The following PLPP1 variants were observed in gnomAD, a reference collection of about 807,000 sequenced individuals.
PLPP1 encodes the protein phospholipid phosphatase 1, also known as lipid phosphate phosphohydrolase 1a.
In PLPP1, 24 loss-of-function variants were observed where a neutral mutation model predicts 31.2. That is an observed-to-expected ratio of 0.77 (90% CI 0.56 to 1.08). The LOEUF (loss-of-function observed/expected upper bound fraction) is 1.08, where lower values mean the gene tolerates loss of function less well. Ranked by LOEUF, PLPP1 falls within the 50% of genes least tolerant of loss-of-function variation. PLPP1 has a pLI of 0.00. For synonymous variants in PLPP1, 146 were observed against 126.3 expected (o/e 1.16, Z -1.05); for missense variants, 319 against 342.7 (o/e 0.93, Z 0.55).
At chr5:55,457,770 TC>T (rs1168374007) in intron 3 of PLPP1, among the ~76,000 whole-genome samples, 3 of 151,606 alleles carry the variant, frequency 2.0e-5, no homozygotes, top group Non-Finnish European at 4.4e-5. Flanking sequence ...GCGCCTGTAG[TC>T]CCAGCTACTC....
chr5:55,458,414 G>A (rs917712836), intron 3 of PLPP1, among the ~76,000 whole-genome samples: 2 of 151,060 alleles, frequency 1.3e-5, no homozygotes, highest in African/African-American at 2.4e-5. Context: ...GCTTAGTCAT[G>A]TATTAACCTT....
At chr5:55,527,231 G>A (rs1740484782) in intron 1 of PLPP1, among the ~76,000 whole-genome samples, 1 of 152,162 alleles carries the variant, frequency 6.6e-6, no homozygotes. Flanking sequence ...CCGCTCCTTA[G>A]GAGTATCCTT....
intron 1 of PLPP1, among the ~76,000 whole-genome samples, chr5:55,477,048 A>T (rs532515021): frequency 1.0e-3 from 64 of 61,540 alleles, no homozygotes; most frequent in Admixed American, 3.7e-3. Context: ...AAAAAAAAAA[A>T]AATAATAAAC....
At chr5:55,443,202 TATATATATATAC>T (rs1284547436) in intron 3 of PLPP1, among the ~76,000 whole-genome samples, 1 of 91,140 alleles carries the variant, frequency 1.1e-5, no homozygotes, top group African/African-American at 4.2e-5. Flanking sequence ...AATATATATA[TATATATATATAC>T]ACACACACAC....
chr5:55,471,731 T>G lies in PLPP1; in HGVS notation c.210+3568A>C, dbSNP rs183605175. ...CACAGGGATTTTTTTAAATAAATGA[T>G]TTACTTTCTAGTAAATAAAGTTAAA... On this transcript the variant is annotated intron_variant, in intron 2 of 5. Transcript: ENST00000307259. 4.2e-3 allele frequency among the ~76,000 whole-genome samples: 647 copies of G among 152,296 alleles called. 4 individuals are homozygous for G. The highest frequency in any genetic ancestry group is 0.015 in the African/African-American group (619 of 41,552).
At chr5:55,447,492 C>T (rs1373600606) in intron 3 of PLPP1, among the ~76,000 whole-genome samples, 1 of 152,196 alleles carries the variant, frequency 6.6e-6, no homozygotes, top group East Asian at 1.9e-4. Context: ...TGTTCAGGTA[C>T]TTAATACACA....
chr5:55,475,426 G>A lies in PLPP1; in HGVS notation c.83C>T (p.Thr28Ile), dbSNP rs1752515521. The A allele has an allele frequency of 1.2e-6, 2 of 1,604,470 alleles. No homozygotes were observed. The highest frequency in any genetic ancestry group is 1.1e-5 in the South Asian group (1 of 88,000). Residue 28 changes from threonine to isoleucine, a missense_variant, in exon 2 of 6, where the codon ACT becomes ATT. By Grantham distance (89) the Thr-to-Ile change is moderately conservative. Transcript: ENST00000307259. ...LLAGLPFAIL[T>I]SRHTPFQRGV... ...TCGTTGGAAGGGGGTATGCCTTGAA[G>A]TAAGAATTGCAAAAGGCAATCCAGC...
At chr5:55,467,543 T>TAA (rs3990254) in intron 3 of PLPP1, among the ~76,000 whole-genome samples, 1 of 147,156 alleles carries the variant, frequency 6.8e-6, no homozygotes, top group Admixed American at 6.8e-5. Flanking sequence ...TATAAAAATG[T>TAA]AAAAAAAATT....
rs1049116582 is a variant in PLPP1 at position 55,534,711 on chromosome 5, C to G, written c.-82G>C. On this transcript the variant is annotated 5_prime_UTR_variant, in exon 1 of 6. Transcript: ENST00000307259. ...GAGGCCCTTGATTCTCGAGCCCGGG[C>G]CGGGGCTGGCGACGGCCCCGAGCTA... 5.4e-4 allele frequency: 759 copies of G among 1,414,470 alleles called. 1 individual carries two copies. Among genetic ancestry groups the G allele is most frequent in the Middle Eastern group, 4.3e-3 (18 of 4,144 alleles). The allele number at this position is 1,414,470 out of a possible 1,614,324, so 87.6% of individuals were successfully genotyped here. A position where few individuals can be genotyped will look rare whatever the true frequency, so the allele number is the denominator to read the frequency against.
rs1753628229 is a variant in PLPP1 at position 55,519,871 on chromosome 5, T to C, written c.58+14701A>G. 3.3e-5 allele frequency among the ~76,000 whole-genome samples: 5 copies of C among 152,190 alleles called. No individual in the cohort carries two copies. In the South Asian group the frequency reaches 1.0e-3, roughly 32 times the overall value. On this transcript the variant is annotated intron_variant, in intron 1 of 5. Coordinates refer to ENST00000307259, the MANE Select transcript of PLPP1 (RefSeq NM_003711.4). ...AAATTAGGACAACCTCAGAATACTA[T>C]AAATGACTGTAATCATTACATACAT... is the stretch of plus-strand genomic sequence containing the variant.
intron 1 of PLPP1, among the ~76,000 whole-genome samples, chr5:55,505,308 G>T (rs74429834): frequency 1.3e-5 from 2 of 151,586 alleles, no homozygotes; most frequent in Non-Finnish European, 2.9e-5. Context: ...AAAAGTAGAC[G>T]TTAGGCCAGT....
At chr5:55,464,934 G>A (rs1261788689) in intron 3 of PLPP1, among the ~76,000 whole-genome samples, 3 of 152,070 alleles carry the variant, frequency 2.0e-5, no homozygotes, top group African/African-American at 7.2e-5. Flanking sequence ...TTTATGTCAT[G>A]TGAATTATAC....
intron 3 of PLPP1, among the ~76,000 whole-genome samples, chr5:55,442,666 T>TAAAA (rs1239344113): frequency 3.7e-5 from 3 of 81,090 alleles, no homozygotes; most frequent in South Asian, 4.3e-4. Context: ...AAAAAAAAAT[T>TAAAA]TGGTGTTTTA....
chr5:55,476,129 C>A (rs901789432), intron 1 of PLPP1, among the ~76,000 whole-genome samples: 1 of 151,868 alleles, frequency 6.6e-6, no homozygotes, highest in Admixed American at 6.6e-5. Flanking sequence ...CAGGCACGCA[C>A]CACCATGCCA....
At chr5:55,461,064 C>T (rs536037755) in intron 3 of PLPP1, among the ~76,000 whole-genome samples, 6 of 152,032 alleles carry the variant, frequency 3.9e-5, no homozygotes, top group East Asian at 1.9e-4. Context: ...GGCGTGGTGG[C>T]GCACACCTGT....
intron 1 of PLPP1, among the ~76,000 whole-genome samples, chr5:55,503,663 T>A (rs1753193842): frequency 6.6e-6 from 1 of 150,886 alleles, no homozygotes; most frequent in African/African-American, 2.4e-5. Context: ...GCACCTGTAA[T>A]CCCAGCTACT....
intron 4 of PLPP1, among the ~76,000 whole-genome samples, chr5:55,431,063 T>C (rs1751336871): frequency 6.6e-6 from 1 of 152,194 alleles, no homozygotes; most frequent in East Asian, 1.9e-4. Flanking sequence ...CTGTGACATA[T>C]GTGACACCAT....
At chr5:55,475,044 G>A (rs6883965) in intron 2 of PLPP1, among the ~76,000 whole-genome samples, 130,113 of 152,078 alleles carry the variant, frequency 0.86, 56,143 homozygotes, top group South Asian at 0.92. Flanking sequence ...AGACTCAAGC[G>A]ATCCTCTAGC....
intron 4 of PLPP1, among the ~76,000 whole-genome samples, chr5:55,429,311 T>TAGTA: frequency 6.6e-6 from 1 of 151,938 alleles, no homozygotes; most frequent in East Asian, 1.9e-4. Context: ...ACCAAAACAG[T>TAGTA]AGTAGATAAA....
Sources: gnomAD v4.1 joint callset for allele counts (sites outside exome capture counted in the v4.1 genomes callset) on GRCh38, gnomAD v4.1.1 for gene constraint, MANE v1.5 for transcripts, NCBI Gene and HGNC (gene_info 2026-07-23, HGNC 2026-07-21) for gene names.